BAIAP2: variants seen among roughly 807,000 people sequenced by gnomAD.
BAIAP2 encodes the protein BAR/IMD domain containing adaptor protein 2.
Under a neutral mutation model 63.0 loss-of-function variants are expected in BAIAP2, and 18 were observed. That is an observed-to-expected ratio of 0.29 (90% CI 0.20 to 0.42). The LOEUF (loss-of-function observed/expected upper bound fraction) is 0.42. Among genes scored for constraint, BAIAP2 ranks in the 10% least tolerant of loss-of-function variants. The pLI is 1.00. For missense variants in BAIAP2, 610 were observed against 734.3 expected, an observed-to-expected ratio of 0.83 and a Z score of 1.96; for synonymous variants, 386 against 307.6, an observed-to-expected ratio of 1.25 and a Z score of -2.67.
chr17:81,037,145 C>T (rs887535727), intron 1 of BAIAP2, among the ~76,000 whole-genome samples: 3 of 152,210 alleles, frequency 2.0e-5, no homozygotes, highest in African/African-American at 7.2e-5. Flanking sequence ...CCCCTGTGGA[C>T]GCAGACCAGC....
rs368133312 is a variant in BAIAP2 at position 81,089,210 on chromosome 17, T to C, written c.489+2630T>C. On this transcript the variant is annotated intron_variant, in intron 6 of 13. Transcript: ENST00000428708. ...CTGTTTGCTGCATGTCCTGGCACTT[T>C]TGAGGTCTGTTGGGGGACCATGTTG... is the stretch of plus-strand genomic sequence containing the variant. Among the ~76,000 whole-genome samples the C allele has an allele frequency of 3.5e-3, 529 of 152,350 alleles. 9 individuals carry two copies. The South Asian group carries it at 0.04, about 11-fold the overall frequency.
At chr17:81,085,625 C>T (rs765285022) in intron 4 of BAIAP2, 29 bp from the exon 5 acceptor site, 12 of 1,597,084 alleles carry the variant, frequency 7.5e-6, no homozygotes, top group South Asian at 2.2e-5. Flanking sequence ...TTGGAGCTGA[C>T]GGCTGATGTG....
At chr17:81,075,457 C>T (rs2053499250) in intron 3 of BAIAP2, among the ~76,000 whole-genome samples, 1 of 152,104 alleles carries the variant, frequency 6.6e-6, no homozygotes, top group Admixed American at 6.5e-5. Context: ...GGCCGCCTTC[C>T]GGTGGGCTCC....
chr17:81,036,739 G>T (rs970697710), intron 1 of BAIAP2: 1 of 827,156 alleles, frequency 1.2e-6, no homozygotes, highest in African/African-American at 1.7e-5. Context: ...GTTAGGTTTG[G>T]TTTCACAGAG....
intron 13 of BAIAP2, chr17:81,109,120 C>T (rs2059560247): frequency 3.4e-6 from 5 of 1,459,362 alleles, no homozygotes; most frequent in African/African-American, 2.8e-5. Context: ...TCCACCTGCC[C>T]CATGCCTTTT....
chr17:81,068,592 G>A (rs149598685), intron 3 of BAIAP2, among the ~76,000 whole-genome samples: 286 of 152,344 alleles, frequency 1.9e-3, no homozygotes, highest in African/African-American at 6.6e-3. Context: ...GTCAGCAGCC[G>A]CACAGACGGA....
At chr17:81,069,947 T>TTTGTTGTTG (rs373352429) in intron 3 of BAIAP2, among the ~76,000 whole-genome samples, 2 of 152,034 alleles carry the variant, frequency 1.3e-5, no homozygotes, top group African/African-American at 4.8e-5. Context: ...TTCTTGGTTT[T>TTTGTTGTTG]TTGTTGTTGT....
chr17:81,110,918 G>T, intron 13 of BAIAP2: 2 of 1,613,890 alleles, frequency 1.2e-6, no homozygotes, highest in South Asian at 1.1e-5. Context: ...TTGCAGCGCC[G>T]ATGTGGAAGT....
At chr17:81,078,303 A>T (rs187616478) in intron 3 of BAIAP2, among the ~76,000 whole-genome samples, 1,002 of 32,054 alleles carry the variant, frequency 0.031, no homozygotes, top group East Asian at 0.05. Context: ...AGCTGGATGC[A>T]GTGGGTGCGG....
intron 3 of BAIAP2, among the ~76,000 whole-genome samples, chr17:81,061,885 A>C (rs1360977436): frequency 6.6e-6 from 1 of 152,144 alleles, no homozygotes; most frequent in Non-Finnish European, 1.5e-5. Flanking sequence ...GTCCCTTGCC[A>C]GGAATCTATT....
intron 1 of BAIAP2, among the ~76,000 whole-genome samples, chr17:81,037,609 G>A (rs1405833168): frequency 2.6e-5 from 4 of 152,240 alleles, no homozygotes; most frequent in Non-Finnish European, 4.4e-5. Context: ...GCAGTGCTGA[G>A]CTCTGTCCTC....
chr17:81,039,426 G>T (rs557692989), intron 1 of BAIAP2, among the ~76,000 whole-genome samples: 1 of 152,220 alleles, frequency 6.6e-6, no homozygotes, highest in Non-Finnish European at 1.5e-5. Context: ...GTTGGTGGCT[G>T]CATGAAGTCC....
At chr17:81,036,792 A>G in intron 1 of BAIAP2, 2 of 1,319,618 alleles carry the variant, frequency 1.5e-6, no homozygotes, top group Non-Finnish European at 1.1e-6. Flanking sequence ...GTGGAAGCAC[A>G]TGTTGTCAAG....
chr17:81,109,268 C>A, intron 13 of BAIAP2: 1 of 1,310,308 alleles, frequency 7.6e-7, no homozygotes, highest in Non-Finnish European at 9.7e-7. Flanking sequence ...CCTGCTGGGC[C>A]GTGCGGGGCA....
intron 1 of BAIAP2, among the ~76,000 whole-genome samples, chr17:81,051,610 T>C (rs959181655): frequency 3.9e-5 from 6 of 152,174 alleles, no homozygotes; most frequent in African/African-American, 1.2e-4. Context: ...TTGGCCAGGA[T>C]GGTCTCCATC....
chr17:81,057,131 C>T (rs1360950629), intron 2 of BAIAP2, among the ~76,000 whole-genome samples: 5 of 152,232 alleles, frequency 3.3e-5, no homozygotes, highest in Non-Finnish European at 5.9e-5. Context: ...CACTGCTCTC[C>T]GGGGCCCTGC....
chr17:81,079,229 G>C (rs1391978389), intron 3 of BAIAP2, among the ~76,000 whole-genome samples: 1 of 152,220 alleles, frequency 6.6e-6, no homozygotes, highest in Admixed American at 6.5e-5. Context: ...TCTTGAGGCA[G>C]CCCTGTCCCC....
In BAIAP2 at chr17:81,082,488, CTG is replaced by C. The variant is rs1293017289; in HGVS notation, c.218-2341_218-2340del. On this transcript the variant is annotated intron_variant, in intron 3 of 13. Coordinates refer to ENST00000428708, the MANE Select transcript of BAIAP2 (RefSeq NM_001144888.2). ...AGAAAGGGAAGCCAAGCCCGGGGCTCTGTGCGTCCCCCACCCCTGCCCTGCGG... is the reference window on the plus strand; with the variant it reads ...AGAAAGGGAAGCCAAGCCCGGGGCTCTGCGTCCCCCACCCCTGCCCTGCGG... 3.3e-5 allele frequency among the ~76,000 whole-genome samples: 5 copies of C among 152,214 alleles called. No homozygotes were observed. In the East Asian group the frequency reaches 9.6e-4, roughly 29 times the overall value.
chr17:81,104,986 T>C (rs1384457142), intron 10 of BAIAP2: 8 of 385,802 alleles, frequency 2.1e-5, no homozygotes. Flanking sequence ...AGCAGGGATC[T>C]CCCCCCAACG....
Sources: allele counts gnomAD v4.1 joint callset (sites outside exome capture counted in the v4.1 genomes callset), GRCh38; gene constraint gnomAD v4.1.1; transcripts MANE v1.5; gene names NCBI Gene and HGNC (gene_info 2026-07-23, HGNC 2026-07-21).